The following TTC3 variants were observed in gnomAD, a reference collection of about 807,000 sequenced individuals.
TTC3 encodes E3 ubiquitin-protein ligase TTC3.
Under a neutral mutation model 249.6 loss-of-function variants are expected in TTC3, and 180 were observed. That is an observed-to-expected ratio of 0.72 (90% CI 0.64 to 0.82). The LOEUF (loss-of-function observed/expected upper bound fraction) is 0.82. TTC3 is among the 40% of genes least tolerant of loss of function. The pLI, the probability that TTC3 is intolerant of heterozygous loss-of-function variation, is 0.00. For missense variants in TTC3, 2,061 were observed against 2,398.4 expected (o/e 0.86, Z 2.94); for synonymous variants, 717 against 805.0 (o/e 0.89, Z 1.85).
At chr21:37,076,319 G>T (rs1365723701) in intron 1 of TTC3, among the ~76,000 whole-genome samples, 1 of 152,154 alleles carries the variant, frequency 6.6e-6, no homozygotes, top group African/African-American at 2.4e-5. Flanking sequence ...ATAACACAGT[G>T]TATGCATTCT....
At chr21:37,159,448 G>A in intron 28 of TTC3, 1 of 465,760 alleles carries the variant, frequency 2.1e-6, no homozygotes, top group Non-Finnish European at 3.8e-6. Context: ...CCCAGGACTA[G>A]CATAGATGGT....
intron 10 of TTC3, among the ~76,000 whole-genome samples, chr21:37,106,973 C>T (rs551710588): frequency 8.5e-5 from 13 of 152,160 alleles, no homozygotes; most frequent in Admixed American, 5.2e-4. Flanking sequence ...CTCCATGTAC[C>T]GCAGTATCAC....
At chr21:37,099,042 A>G (rs2074223188) in intron 10 of TTC3, 1 of 152,224 alleles carries the variant, frequency 6.6e-6, no homozygotes, top group African/African-American at 2.4e-5. Flanking sequence ...TCATTGAAGC[A>G]AGAATTGAGA....
chr21:37,110,744 A>T (rs1284350881), intron 11 of TTC3, among the ~76,000 whole-genome samples: 1 of 152,216 alleles, frequency 6.6e-6, no homozygotes, highest in Non-Finnish European at 1.5e-5. Flanking sequence ...ACTCCAAGAC[A>T]CATAATTGTC....
intron 44 of TTC3, among the ~76,000 whole-genome samples, chr21:37,198,930 C>T (rs963492950): frequency 4.0e-5 from 6 of 151,788 alleles, no homozygotes; most frequent in Non-Finnish European, 5.9e-5. Context: ...AAATAGAAAA[C>T]GGTCAAGTTA....
At chr21:37,192,754 A>T (rs930750367) in intron 41 of TTC3, among the ~76,000 whole-genome samples, 1 of 152,188 alleles carries the variant, frequency 6.6e-6, no homozygotes. Context: ...GGCACATCAT[A>T]TTTTACTATT....
chr21:37,073,598 C>G, intron 1 of TTC3, 125 bp downstream of exon 1: 1 of 725,678 alleles, frequency 1.4e-6, no homozygotes, highest in Non-Finnish European at 1.7e-6. Context: ...GGTTTGCCCC[C>G]TTGGTCTGGT....
chr21:37,107,614 A>G (rs2075212010), intron 10 of TTC3: 2 of 152,246 alleles, frequency 1.3e-5, no homozygotes, highest in African/African-American at 4.8e-5. Context: ...AGAGATGTTA[A>G]TAACTCCCTA....
intron 34 of TTC3, among the ~76,000 whole-genome samples, chr21:37,170,260 A>C (rs978803107): frequency 3.3e-5 from 5 of 152,252 alleles, no homozygotes; most frequent in African/African-American, 7.2e-5. Context: ...CCTTAACAAC[A>C]AAGTTTCTAT....
intron 1 of TTC3, among the ~76,000 whole-genome samples, chr21:37,079,685 C>G (rs2071373680): frequency 6.6e-6 from 1 of 151,760 alleles, no homozygotes; most frequent in Admixed American, 6.6e-5. Flanking sequence ...CCGTGCGCCA[C>G]CATGCTTGGC....
chr21:37,114,953 G>A (rs1568957225), intron 11 of TTC3, among the ~76,000 whole-genome samples: 1 of 151,990 alleles, frequency 6.6e-6, no homozygotes, highest in African/African-American at 2.4e-5. Context: ...AACACCGCAT[G>A]TTCTCACTCA....
intron 34 of TTC3, 119 bp from the exon 35 acceptor site, chr21:37,172,476 T>C: frequency 8.7e-7 from 1 of 1,148,576 alleles, no homozygotes; most frequent in Non-Finnish European, 1.2e-6. Flanking sequence ...GACATTTCCC[T>C]TGTAAATTTT....
intron 1 of TTC3, among the ~76,000 whole-genome samples, chr21:37,079,442 G>A (rs1176487989): frequency 6.8e-6 from 1 of 146,698 alleles, no homozygotes; most frequent in Non-Finnish European, 1.5e-5. Flanking sequence ...TCATAGGACT[G>A]TTCAGGTATT....
intron 31 of TTC3, 114 bp from the exon 32 acceptor site, chr21:37,163,937 T>C (rs2081011319): frequency 8.0e-7 from 1 of 1,246,020 alleles, no homozygotes; most frequent in Non-Finnish European, 1.1e-6. Flanking sequence ...AACATAGAGC[T>C]GAGTAATATA....
chr21:37,150,343 T>A (rs1242710897), intron 24 of TTC3, among the ~76,000 whole-genome samples, 173 bp downstream of exon 24: 1 of 152,212 alleles, frequency 6.6e-6, no homozygotes, highest in Admixed American at 6.5e-5. Flanking sequence ...TTCATTGTAA[T>A]GAAAGCATTC....
intron 20 of TTC3, among the ~76,000 whole-genome samples, chr21:37,142,725 C>CACAGAATTGGAAAAAACT (rs1462727530): frequency 6.6e-6 from 1 of 152,170 alleles, no homozygotes; most frequent in African/African-American, 2.4e-5. Flanking sequence ...TGACTTTCTT[C>CACAGAATTGGAAAAAACT]ACAGAATTGG....
At chr21:37,136,520 T>C (rs564874808) in intron 18 of TTC3, among the ~76,000 whole-genome samples, 1 of 152,300 alleles carries the variant, frequency 6.6e-6, no homozygotes, top group East Asian at 1.9e-4. Flanking sequence ...CAGAGCCTAA[T>C]CCAGAGCAAG....
intron 13 of TTC3, among the ~76,000 whole-genome samples, 168 bp downstream of exon 13, chr21:37,123,196 T>TA (rs963942710): frequency 4.6e-5 from 7 of 152,200 alleles, no homozygotes; most frequent in Non-Finnish European, 8.8e-5. Context: ...AGGTGACCTG[T>TA]AAGTTGTCAG....
chr21:37,085,896 G>C (rs184152278), intron 1 of TTC3: 52 of 152,344 alleles, frequency 3.4e-4, no homozygotes, highest in Admixed American at 2.7e-3. Flanking sequence ...GAGAGCAGAA[G>C]CTATGGCAAC....
Sources: gnomAD v4.1 joint callset for allele counts (sites outside exome capture counted in the v4.1 genomes callset) on GRCh38, gnomAD v4.1.1 for gene constraint, MANE v1.5 for transcripts, NCBI Gene and HGNC (gene_info 2026-07-23, HGNC 2026-07-21) for gene names.